CBFA2T3: variants seen among roughly 807,000 people sequenced by gnomAD.
CBFA2T3 encodes the protein CBFA2/RUNX1 partner transcriptional co-repressor 3, also known as transcriptional corepressor CBFA2T3.
CBFA2T3 carries 31 observed loss-of-function variants against 58.6 expected under a neutral mutation model. That is an observed-to-expected ratio of 0.53 (90% CI 0.40 to 0.71). The LOEUF (loss-of-function observed/expected upper bound fraction) is 0.71, where lower values mean the gene tolerates loss of function less well. Among genes scored for constraint, CBFA2T3 ranks in the 30% least tolerant of loss-of-function variants. CBFA2T3 has a pLI of 0.00. For missense variants in CBFA2T3, 1,076 were observed against 963.1 expected, an observed-to-expected ratio of 1.12 and a Z score of -1.55; for synonymous variants, 531 against 421.9, an observed-to-expected ratio of 1.26 and a Z score of -3.17.
intron 1 of CBFA2T3, among the ~76,000 whole-genome samples, chr16:88,931,311 G>A (rs1018166720): frequency 5.9e-5 from 9 of 152,154 alleles, no homozygotes; most frequent in Middle Eastern, 3.2e-3. Context: ...GAGGGTGGAG[G>A]CCAGGCCCAG....
chr16:88,929,008 C>T (rs1278578379), intron 1 of CBFA2T3, among the ~76,000 whole-genome samples: 2 of 152,164 alleles, frequency 1.3e-5, no homozygotes, highest in African/African-American at 2.4e-5. Flanking sequence ...GGAGGCCCCA[C>T]GAGGACCTCG....
chr16:88,945,366 A>G (rs553012971), intron 1 of CBFA2T3, among the ~76,000 whole-genome samples: 4 of 152,248 alleles, frequency 2.6e-5, no homozygotes, highest in Non-Finnish European at 5.9e-5. Context: ...CTATGAAGAG[A>G]ATGAAAAGAC....
chr16:88,930,581 A>G (rs1031277769), intron 1 of CBFA2T3, among the ~76,000 whole-genome samples: 20 of 151,472 alleles, frequency 1.3e-4, no homozygotes, highest in African/African-American at 4.9e-4. Context: ...AAAGCCAGAC[A>G]CAAGGGCCAC....
intron 2 of CBFA2T3, among the ~76,000 whole-genome samples, chr16:88,900,093 G>A (rs77955780): frequency 0.023 from 3,510 of 152,338 alleles, 56 homozygotes; most frequent in African/African-American, 0.043. Flanking sequence ...CCTGCACGCT[G>A]GGCCCGCCGT....
chr16:88,970,027 G>T (rs1972609248), intron 1 of CBFA2T3, among the ~76,000 whole-genome samples: 1 of 152,234 alleles, frequency 6.6e-6, no homozygotes, highest in Non-Finnish European at 1.5e-5. Flanking sequence ...CTCACCCCAG[G>T]AGTCCTCGTC....
intron 1 of CBFA2T3, among the ~76,000 whole-genome samples, chr16:88,917,535 G>A (rs1269768051): frequency 1.3e-5 from 2 of 152,140 alleles, no homozygotes; most frequent in Non-Finnish European, 2.9e-5. Context: ...GAGGCGCCAG[G>A]GGAGGCTACA....
At chr16:88,884,962 G>T (rs1379043183) in intron 7 of CBFA2T3, 84 bp downstream of exon 7, 14 of 1,056,044 alleles carry the variant, frequency 1.3e-5, no homozygotes, top group Non-Finnish European at 1.9e-5. Flanking sequence ...GTGGTGCCCT[G>T]TGCCCACATG....
At chr16:88,910,078 C>T (rs1159777953) in intron 1 of CBFA2T3, among the ~76,000 whole-genome samples, 1 of 152,206 alleles carries the variant, frequency 6.6e-6, no homozygotes, top group African/African-American at 2.4e-5. Flanking sequence ...CTGGCCTCAC[C>T]AGCTGTCCCC....
intron 7 of CBFA2T3, 44 bp from the exon 8 acceptor site, chr16:88,882,805 G>T: frequency 7.7e-7 from 1 of 1,306,746 alleles, no homozygotes; most frequent in Non-Finnish European, 1.1e-6. Flanking sequence ...CCCACAGCCA[G>T]TCTCTGCCCT....
At chr16:88,934,900 C>T (rs1387095463) in intron 1 of CBFA2T3, among the ~76,000 whole-genome samples, 2 of 152,186 alleles carry the variant, frequency 1.3e-5, no homozygotes, top group African/African-American at 2.4e-5. Flanking sequence ...CCACCACGCC[C>T]GGCTAATTTT....
At chr16:88,886,672 GC>G (rs1567580053) in intron 5 of CBFA2T3, 1 of 152,602 alleles carries the variant, frequency 6.6e-6, no homozygotes, top group Non-Finnish European at 1.5e-5. Flanking sequence ...GTCTGCTCCA[GC>G]CCTGATGGGA....
intron 1 of CBFA2T3, chr16:88,941,067 G>C: frequency 1.0e-6 from 1 of 985,546 alleles, no homozygotes; most frequent in Non-Finnish European, 1.2e-6. Context: ...GCGCACACTC[G>C]CGACTCGGTC....
chr16:88,889,309 A>AG, intron 5 of CBFA2T3, among the ~76,000 whole-genome samples: 1 of 127,482 alleles, frequency 7.8e-6, no homozygotes, highest in Middle Eastern at 3.8e-3. Context: ...GGAGCGATAG[A>AG]GGAGGGAGGG....
intron 5 of CBFA2T3, among the ~76,000 whole-genome samples, chr16:88,890,233 C>T (rs373317277): frequency 4.9e-4 from 74 of 152,270 alleles, no homozygotes; most frequent in African/African-American, 1.7e-3. Context: ...TCCGCGTGTC[C>T]CTCCACGCTG....
intron 1 of CBFA2T3, among the ~76,000 whole-genome samples, chr16:88,904,121 C>T (rs1308364417): frequency 1.3e-5 from 2 of 152,134 alleles, no homozygotes; most frequent in Non-Finnish European, 2.9e-5. Flanking sequence ...ACGGCCACCA[C>T]CTGCGTGCTC....
chr16:88,910,282 G>A (rs907300310), intron 1 of CBFA2T3, among the ~76,000 whole-genome samples: 4 of 152,078 alleles, frequency 2.6e-5, no homozygotes, highest in Non-Finnish European at 2.9e-5. Flanking sequence ...CAGCCCGCGC[G>A]GCCCTTCACC....
At chr16:88,974,017 C>G (rs377340294) in intron 1 of CBFA2T3, among the ~76,000 whole-genome samples, 1 of 152,306 alleles carries the variant, frequency 6.6e-6, no homozygotes, top group Admixed American at 6.5e-5. Context: ...AAGGTGACAC[C>G]AGGCAGGCCT....
At chr16:88,943,106 T>A (rs1971799274) in intron 1 of CBFA2T3, among the ~76,000 whole-genome samples, 1 of 152,232 alleles carries the variant, frequency 6.6e-6, no homozygotes, top group Non-Finnish European at 1.5e-5. Flanking sequence ...GTGATAATCC[T>A]AAAACGCCCC....
chr16:88,924,354 C>T (rs1017903522), intron 1 of CBFA2T3, among the ~76,000 whole-genome samples: 2 of 152,222 alleles, frequency 1.3e-5, no homozygotes, highest in African/African-American at 2.4e-5. Flanking sequence ...GGCCCTGCCT[C>T]CCTGGGGCCG....
Sources: gnomAD v4.1 joint callset for allele counts (sites outside exome capture counted in the v4.1 genomes callset) on GRCh38, gnomAD v4.1.1 for gene constraint, MANE v1.5 for transcripts, NCBI Gene and HGNC (gene_info 2026-07-23, HGNC 2026-07-21) for gene names.